Variants in PPIL4 observed in about 807,000 individuals in gnomAD.
The protein encoded by PPIL4 is peptidylprolyl isomerase like 4, also known as peptidyl-prolyl cis-trans isomerase-like 4.
PPIL4 carries 50 observed loss-of-function variants against 69.1 expected under a neutral mutation model. That is an observed-to-expected ratio of 0.72 (90% CI 0.58 to 0.92). PPIL4 has a LOEUF of 0.92. Ranked by LOEUF, PPIL4 falls within the 40% of genes least tolerant of loss-of-function variation. PPIL4 has a pLI of 0.00. For synonymous variants in PPIL4, 193 were observed against 191.6 expected, an observed-to-expected ratio of 1.01 and a Z score of -0.06; for missense variants, 480 against 587.9, an observed-to-expected ratio of 0.82 and a Z score of 1.90.
At chr6:149,522,852 C>A (rs915960213) in intron 9 of PPIL4, among the ~76,000 whole-genome samples, 4 of 152,098 alleles carry the variant, frequency 2.6e-5, no homozygotes, top group African/African-American at 9.7e-5. Context: ...ACCTCGTGAT[C>A]CACCCACCTC....
At chr6:149,541,102 T>C in intron 3 of PPIL4, 43 bp from the exon 4 acceptor site, 1 of 1,144,252 alleles carries the variant, frequency 8.7e-7, no homozygotes, top group Non-Finnish European at 1.3e-6. Flanking sequence ...ACTCTCAAAA[T>C]GAAATACAGA....
chr6:149,541,100 A>C (rs1476750949), intron 3 of PPIL4, 41 bp from the exon 4 acceptor site: 2 of 1,155,714 alleles, frequency 1.7e-6, no homozygotes, highest in South Asian at 2.6e-5. Context: ...GTACTCTCAA[A>C]ATGAAATACA....
chr6:149,524,644 A>C (rs951613818), intron 9 of PPIL4, among the ~76,000 whole-genome samples: 5 of 152,212 alleles, frequency 3.3e-5, no homozygotes, highest in African/African-American at 1.2e-4. Context: ...TTATGCCTAT[A>C]ATCCCAGCAC....
chr6:149,545,886 G>C, intron 1 of PPIL4, 50 bp downstream of exon 1: 1 of 1,511,378 alleles, frequency 6.6e-7, no homozygotes, highest in East Asian at 2.4e-5. Context: ...GGAAAGTAGG[G>C]AGACAAGCTC....
chr6:149,540,061 G>A (rs898010562), intron 4 of PPIL4, among the ~76,000 whole-genome samples: 1 of 151,126 alleles, frequency 6.6e-6, no homozygotes, highest in African/African-American at 2.4e-5. Context: ...CCTGAGAGGC[G>A]GAGGTTGCAG....
At chr6:149,515,880 T>C (rs919731879) in intron 11 of PPIL4, among the ~76,000 whole-genome samples, 2 of 152,248 alleles carry the variant, frequency 1.3e-5, no homozygotes, top group Non-Finnish European at 2.9e-5. Context: ...CCTACTTCTA[T>C]TTTTGATTCT....
At chr6:149,529,758 G>A (rs1286600659) in intron 7 of PPIL4, among the ~76,000 whole-genome samples, 56 of 117,712 alleles carry the variant, frequency 4.8e-4, no homozygotes, top group Non-Finnish European at 1.8e-4. Context: ...GCGAGACTCC[G>A]TCTCAAAAAA....
intron 11 of PPIL4, among the ~76,000 whole-genome samples, chr6:149,512,527 T>A (rs1364589190): frequency 6.6e-6 from 1 of 152,032 alleles, no homozygotes; most frequent in African/African-American, 2.4e-5. Flanking sequence ...TAAAGACTAG[T>A]AGGCAAAAAA....
intron 12 of PPIL4, among the ~76,000 whole-genome samples, chr6:149,506,785 G>A (rs558059474): frequency 2.0e-5 from 3 of 152,170 alleles, no homozygotes; most frequent in South Asian, 2.1e-4. Flanking sequence ...TTGTAGAGAC[G>A]GGGTTTCCCC....
rs772190713 is a variant in PPIL4 at position 149,534,661 on chromosome 6, A to T, written c.561+17T>A. The T allele has an allele frequency of 3.1e-5, 39 of 1,248,728 alleles. No individual in the cohort carries two copies. The highest frequency in any genetic ancestry group is 4.0e-5 in the Non-Finnish European group (35 of 866,884). 77.4% of individuals were successfully genotyped at this position (1,248,728 alleles called of 1,614,324 possible). ...TTAATATGAATGTACATTTAATCATAAGAGGGCTTTACTTACATCTAATTG... is the reference window on the plus strand; with the variant it reads ...TTAATATGAATGTACATTTAATCATTAGAGGGCTTTACTTACATCTAATTG... On this transcript the variant is annotated intron_variant, in intron 6 of 12. Coordinates refer to ENST00000253329, the MANE Select transcript of PPIL4 (RefSeq NM_139126.4).
At chr6:149,529,221 T>C (rs1368464760) in intron 7 of PPIL4, among the ~76,000 whole-genome samples, 5 of 150,160 alleles carry the variant, frequency 3.3e-5, no homozygotes, top group African/African-American at 1.2e-4. Flanking sequence ...GAGTGAGACT[T>C]TCTCTAAAAA....
Position 149,510,987 on chromosome 6 carries a change from A to C in PPIL4, c.1227+1168T>G, listed in dbSNP as rs1482730949. ...ACAGAGGATGAAACTGTGGCTCAGA[A>C]AGTTAAACAACTTGTCAAGGTCACT... On this transcript the variant is annotated intron_variant, in intron 12 of 12. Coordinates refer to ENST00000253329, the MANE Select transcript of PPIL4 (RefSeq NM_139126.4). Among the ~76,000 whole-genome samples the C allele has an allele frequency of 2.6e-5, 4 of 152,212 alleles. No homozygotes were observed. In the East Asian group the frequency reaches 7.7e-4, roughly 29 times the overall value.
At chr6:149,513,047 G>A (rs1179942813) in intron 11 of PPIL4, among the ~76,000 whole-genome samples, 1 of 148,046 alleles carries the variant, frequency 6.8e-6, no homozygotes, top group Non-Finnish European at 1.5e-5. Flanking sequence ...TGCCCATCAT[G>A]TTTAAATTCT....
At chr6:149,527,076 C>T (rs558637588) in intron 7 of PPIL4, among the ~76,000 whole-genome samples, 14 of 152,236 alleles carry the variant, frequency 9.2e-5, no homozygotes, top group Admixed American at 6.5e-4. Context: ...ACAAGTAAAG[C>T]GGCTGAGCAT....
chr6:149,513,589 G>GA (rs961808123), intron 11 of PPIL4, among the ~76,000 whole-genome samples: 7 of 150,236 alleles, frequency 4.7e-5, no homozygotes, highest in Non-Finnish European at 8.9e-5. Context: ...AAATGCTACA[G>GA]AAAAAACCCT....
At chr6:149,541,125 A>G (rs1777353537) in intron 3 of PPIL4, 66 bp from the exon 4 acceptor site, 1 of 815,550 alleles carries the variant, frequency 1.2e-6, no homozygotes, top group Non-Finnish European at 2.0e-6. Flanking sequence ...TACTAGTAAC[A>G]TACAGGGTTA....
rs535313722 is a variant in PPIL4 at position 149,528,218 on chromosome 6, C to A, written c.679-1442G>T. 8.5e-5 allele frequency among the ~76,000 whole-genome samples: 13 copies of A among 152,164 alleles called. No individual in the cohort carries two copies. The South Asian group carries it at 2.7e-3, about 32-fold the overall frequency. On this transcript the variant is annotated intron_variant, in intron 7 of 12. Transcript: ENST00000253329. ...GAGCTATGATCACACCACTGCACTC[C>A]AGCCTAGAAAACAGAGTAAGACCCT...
intron 4 of PPIL4, among the ~76,000 whole-genome samples, chr6:149,537,305 A>G (rs995883489): frequency 2.0e-5 from 3 of 152,204 alleles, no homozygotes; most frequent in African/African-American, 7.2e-5. Flanking sequence ...GCCTAGCTTC[A>G]AAGCTTCAAA....
chr6:149,522,814 T>C (rs982818873), intron 9 of PPIL4, among the ~76,000 whole-genome samples: 1 of 152,144 alleles, frequency 6.6e-6, no homozygotes, highest in African/African-American at 2.4e-5. Context: ...GGTTTCACCA[T>C]GTTGGCCAGG....
Sources: gnomAD v4.1 joint callset for allele counts (sites outside exome capture counted in the v4.1 genomes callset) on GRCh38, gnomAD v4.1.1 for gene constraint, MANE v1.5 for transcripts, NCBI Gene and HGNC (gene_info 2026-07-23, HGNC 2026-07-21) for gene names.